Variants in KHDC1 observed in about 807,000 individuals in gnomAD.
KHDC1 encodes the protein KH homology domain-containing protein 1.
In KHDC1, 21 loss-of-function variants were observed where a neutral mutation model predicts 24.7. The observed-to-expected ratio is 0.85, with a 90% confidence interval of 0.60 to 1.23. The LOEUF (loss-of-function observed/expected upper bound fraction) is 1.23, where lower values mean the gene tolerates loss of function less well. Among genes scored for constraint, KHDC1 ranks in the 50% most tolerant of loss-of-function variants. The probability of loss-of-function intolerance (pLI) is 0.00; values close to 1 mark genes in which losing one functional copy is unlikely to be tolerated. For synonymous variants in KHDC1, 98 were observed against 111.7 expected (o/e 0.88, Z 0.77); for missense variants, 274 against 298.5 (o/e 0.92, Z 0.61).
chr6:73,271,496 C>T (rs931624029), intron 2 of KHDC1, among the ~76,000 whole-genome samples: 11 of 151,592 alleles, frequency 7.3e-5, no homozygotes, highest in Middle Eastern at 3.4e-3. Context: ...CGTAATCCAC[C>T]GTGCCTGGTG....
chr6:73,245,227 T>C (rs1380472340), intron 2 of KHDC1, among the ~76,000 whole-genome samples: 2 of 152,198 alleles, frequency 1.3e-5, no homozygotes, highest in Non-Finnish European at 2.9e-5. Context: ...GGTTTGATCG[T>C]CTTCTTCTAA....
intron 2 of KHDC1, among the ~76,000 whole-genome samples, chr6:73,242,809 G>A (rs1033711501): frequency 6.6e-6 from 1 of 152,066 alleles, no homozygotes; most frequent in South Asian, 2.1e-4. Context: ...AAATTCAAAG[G>A]ATTTTGGAGC....
chr6:73,293,075 A>C (rs1767685570), intron 1 of KHDC1: 1 of 987,766 alleles, frequency 1.0e-6, no homozygotes, highest in East Asian at 2.8e-5. Flanking sequence ...TAGAAATGCA[A>C]GACTGGATGC....
At chr6:73,309,865 G>T in exon 1 of KHDC1, 1 of 866,904 alleles carries the variant, frequency 1.2e-6, no homozygotes, top group Non-Finnish European at 1.8e-6. Context: ...TTCGGGTCGG[G>T]GTCAACCCAG....
chr6:73,259,694 T>G (rs562144799), intron 2 of KHDC1, among the ~76,000 whole-genome samples: 1 of 152,298 alleles, frequency 6.6e-6, no homozygotes, highest in South Asian at 2.1e-4. Context: ...TCCTGGCCCC[T>G]TCTCCACACT....
chr6:73,242,670 G>T, intron 2 of KHDC1, 140 bp from the exon 2 acceptor site: 1 of 918,664 alleles, frequency 1.1e-6, no homozygotes. Context: ...TACAATCCCG[G>T]TATCTCTTCC....
intron 2 of KHDC1, among the ~76,000 whole-genome samples, chr6:73,271,272 A>G (rs942225570): frequency 2.6e-5 from 4 of 151,796 alleles, no homozygotes; most frequent in Admixed American, 6.6e-5. Flanking sequence ...CAGTGGCACA[A>G]TCTCAGCTCA....
chr6:73,309,744 T>G (rs1209948472), exon 1 of KHDC1: 1 of 1,548,608 alleles, frequency 6.5e-7, no homozygotes, highest in Admixed American at 2.0e-5. Flanking sequence ...AAAGTAAGGG[T>G]GCGCTAAGGC....
intron 2 of KHDC1, among the ~76,000 whole-genome samples, chr6:73,278,615 G>C (rs550974780): frequency 1.3e-5 from 2 of 151,958 alleles, no homozygotes; most frequent in Non-Finnish European, 2.9e-5. Flanking sequence ...GTTTTTATGG[G>C]ACTAAATCCA....
chr6:73,293,407 T>C (rs1175136624), intron 1 of KHDC1: 2 of 369,362 alleles, frequency 5.4e-6, no homozygotes, highest in Non-Finnish European at 1.0e-5. Flanking sequence ...GGAATAAAAT[T>C]GACTGATTCA....
chr6:73,300,049 C>G (rs558474167), intron 1 of KHDC1: 2 of 152,336 alleles, frequency 1.3e-5, no homozygotes, highest in African/African-American at 4.8e-5. Flanking sequence ...GCTGGAGACT[C>G]TGGATTCACA....
chr6:73,245,255 G>A (rs1766646152), intron 2 of KHDC1, among the ~76,000 whole-genome samples: 1 of 152,158 alleles, frequency 6.6e-6, no homozygotes, highest in South Asian at 2.1e-4. Context: ...TGTTCTGGAA[G>A]ATACTTAAGA....
chr6:73,265,223 C>G (rs1468081430), intron 2 of KHDC1, among the ~76,000 whole-genome samples: 1 of 152,096 alleles, frequency 6.6e-6, no homozygotes, highest in Non-Finnish European at 1.5e-5. Context: ...CCAGAAACCG[C>G]AAAACAATTA....
intron 2 of KHDC1, among the ~76,000 whole-genome samples, chr6:73,255,597 G>A (rs781074582): frequency 1.2e-4 from 18 of 148,708 alleles, no homozygotes; most frequent in Non-Finnish European, 2.1e-4. Context: ...CATTGCTTGC[G>A]GTCATTAGAA....
chr6:73,280,254 C>T (rs762958336), intron 2 of KHDC1, among the ~76,000 whole-genome samples: 13 of 152,148 alleles, frequency 8.5e-5, no homozygotes, highest in Non-Finnish European at 1.5e-4. Context: ...CCTACCCATG[C>T]TCAGGTGATC....
At chr6:73,265,832 A>C (rs1462143474) in intron 2 of KHDC1, among the ~76,000 whole-genome samples, 1 of 152,104 alleles carries the variant, frequency 6.6e-6, no homozygotes, top group Non-Finnish European at 1.5e-5. Context: ...CATACCTGTA[A>C]TCCTAACATT....
At chr6:73,286,096 C>A (rs750427464) in intron 2 of KHDC1, among the ~76,000 whole-genome samples, 2 of 152,166 alleles carry the variant, frequency 1.3e-5, no homozygotes, top group Non-Finnish European at 2.9e-5. Context: ...ACTTAGAACC[C>A]ATCTGTGTAG....
chr6:73,304,811 T>C (rs1767933060), intron 1 of KHDC1, among the ~76,000 whole-genome samples: 1 of 152,156 alleles, frequency 6.6e-6, no homozygotes, highest in Admixed American at 6.6e-5. Flanking sequence ...GTCACCAACA[T>C]AGCTGGTCTG....
intron 2 of KHDC1, among the ~76,000 whole-genome samples, chr6:73,249,690 C>A (rs1766744106): frequency 6.6e-6 from 1 of 152,196 alleles, no homozygotes; most frequent in African/African-American, 2.4e-5. Flanking sequence ...ACGGACACAT[C>A]TGAAACCAAA....
Sources: gnomAD v4.1 joint callset for allele counts (sites outside exome capture counted in the v4.1 genomes callset) on GRCh38, gnomAD v4.1.1 for gene constraint, MANE v1.5 for transcripts, NCBI Gene and HGNC (gene_info 2026-07-23, HGNC 2026-07-21) for gene names.